APP: variants seen among roughly 807,000 people sequenced by gnomAD.
The protein encoded by APP is amyloid-beta precursor protein.
A neutral mutation model predicts 101.4 loss-of-function variants in APP; 31 were observed. That is an observed-to-expected ratio of 0.31 (90% CI 0.23 to 0.41). APP has a LOEUF of 0.41. Ranked by LOEUF, APP falls within the 10% of genes least tolerant of loss-of-function variation. APP has a pLI of 1.00. For synonymous variants in APP, 366 were observed against 364.4 expected, an observed-to-expected ratio of 1.00 and a Z score of -0.05; for missense variants, 839 against 1,003.7, an observed-to-expected ratio of 0.84 and a Z score of 2.22.
At chr21:25,884,497 C>A (rs1449139881) in intron 17 of APP, among the ~76,000 whole-genome samples, 1 of 152,218 alleles carries the variant, frequency 6.6e-6, no homozygotes. Context: ...CTGGCTTTAA[C>A]TGGTAACTGT....
intron 8 of APP, among the ~76,000 whole-genome samples, chr21:25,986,130 C>T (rs1241902903): frequency 1.3e-5 from 2 of 152,116 alleles, no homozygotes; most frequent in Admixed American, 6.5e-5. Context: ...GCCAGAGACA[C>T]GTGTGCCCTA....
chr21:26,020,548 A>C (rs1053073634), intron 6 of APP, among the ~76,000 whole-genome samples: 14 of 152,216 alleles, frequency 9.2e-5, no homozygotes, highest in Non-Finnish European at 1.3e-4. Context: ...TAGAACAATA[A>C]ATCTGAAATC....
chr21:25,949,521 T>A (rs1343427475), intron 13 of APP, among the ~76,000 whole-genome samples: 7 of 152,138 alleles, frequency 4.6e-5, no homozygotes, highest in African/African-American at 1.7e-4. Context: ...TTTGGTCAGG[T>A]CTTTAGGGTT....
intron 13 of APP, chr21:25,942,172 G>A (rs2040601895): frequency 6.6e-6 from 1 of 152,076 alleles, no homozygotes; most frequent in African/African-American, 2.4e-5. Context: ...TTATTACTGA[G>A]GTACAAATGC....
chr21:26,067,070 C>A (rs963938805), intron 3 of APP, among the ~76,000 whole-genome samples: 12 of 152,142 alleles, frequency 7.9e-5, no homozygotes, highest in Admixed American at 7.9e-4. Flanking sequence ...CAGCTTGGAG[C>A]AGCTTTGTCT....
intron 1 of APP, 33 bp from the exon 2 acceptor site, chr21:26,112,179 C>A (rs2062341972): frequency 6.2e-7 from 1 of 1,609,292 alleles, no homozygotes; most frequent in African/African-American, 1.3e-5. Context: ...GTTATAGTAT[C>A]CATAGCTCCA....
intron 2 of APP, among the ~76,000 whole-genome samples, chr21:26,103,780 G>A (rs555650967): frequency 6.6e-6 from 1 of 152,078 alleles, no homozygotes. Flanking sequence ...ACCTAACGAC[G>A]ACTAGCGTGC....
intron 5 of APP, among the ~76,000 whole-genome samples, chr21:26,026,850 G>A (rs1252458450): frequency 1.3e-5 from 2 of 152,098 alleles, no homozygotes; most frequent in Non-Finnish European, 2.9e-5. Context: ...ATGGACTTTG[G>A]GTGATAATAA....
intron 11 of APP, among the ~76,000 whole-genome samples, chr21:25,969,874 G>GAAAAGAGAAA (rs1479695265): frequency 6.1e-5 from 1 of 16,504 alleles, no homozygotes; most frequent in African/African-American, 2.0e-4. Flanking sequence ...GAAAAGAAAA[G>GAAAAGAGAAA]AGAAAAGAAA....
intron 1 of APP, among the ~76,000 whole-genome samples, chr21:26,116,588 T>G (rs1015962732): frequency 1.3e-5 from 2 of 152,182 alleles, no homozygotes; most frequent in African/African-American, 4.8e-5. Flanking sequence ...AAATTCCTTA[T>G]AGAGCAGGCT....
chr21:26,014,117 T>C (rs970154206), intron 6 of APP, among the ~76,000 whole-genome samples: 1 of 152,208 alleles, frequency 6.6e-6, no homozygotes, highest in African/African-American at 2.4e-5. Context: ...TTTTGCCCTG[T>C]TCCCAAATAC....
At position 25,911,847 on chromosome 21, in the gene APP, T is replaced by G; in HGVS notation, c.1803A>C (p.Lys601Asn). Reference protein sequence around the residue: ...DALMPSLTETKTTVELLPVNG... With the variant: ...DALMPSLTETNTTVELLPVNG... ...TCACGGGAAGGAGCTCCACGGTGGT[T>G]TTCGTTTCGGTCAAAGATGGCATGA... The change falls in exon 14 of 18, where the codon AAA (lysine) becomes AAC (asparagine). Residue 601 changes from lysine to asparagine, a missense_variant. Lys to Asn is a moderately conservative substitution (Grantham distance 94, BLOSUM62 0). Coordinates refer to ENST00000346798, the MANE Select transcript of APP (RefSeq NM_000484.4). 6.2e-7 allele frequency: 1 copy of G among 1,614,166 alleles called. No homozygotes were observed. The highest frequency in any genetic ancestry group is 8.5e-7 in the Non-Finnish European group (1 of 1,180,028).
chr21:25,947,780 AC>A (rs1182205586), intron 13 of APP, among the ~76,000 whole-genome samples: 1 of 152,076 alleles, frequency 6.6e-6, no homozygotes, highest in African/African-American at 2.4e-5. Flanking sequence ...AGATGGGCAG[AC>A]CACCTGAGAT....
intron 6 of APP, among the ~76,000 whole-genome samples, chr21:26,017,203 A>AAAAAAAAAAAAAAAAAAAAT (rs2044129177): frequency 6.7e-6 from 1 of 149,154 alleles, no homozygotes; most frequent in Non-Finnish European, 1.5e-5. Context: ...TATCTCAAAA[A>AAAAAAAAAAAAAAAAAAAAT]AAAAAAAAAA....
chr21:26,026,448 CA>C (rs2044578369), intron 5 of APP, among the ~76,000 whole-genome samples: 1 of 152,180 alleles, frequency 6.6e-6, no homozygotes, highest in African/African-American at 2.4e-5. Flanking sequence ...GGAGAAATGA[CA>C]TCACAAAGGT....
At chr21:25,989,149 C>T (rs2042759442) in intron 8 of APP, among the ~76,000 whole-genome samples, 1 of 152,130 alleles carries the variant, frequency 6.6e-6, no homozygotes, top group African/African-American at 2.4e-5. Context: ...AAACTGTTAG[C>T]ATTTGAAGGG....
At chr21:26,035,113 T>C (rs1202055407) in intron 5 of APP, among the ~76,000 whole-genome samples, 2 of 151,612 alleles carry the variant, frequency 1.3e-5, no homozygotes, top group Non-Finnish European at 2.9e-5. Flanking sequence ...AAGTGAGATC[T>C]TGTCTCCACT....
intron 2 of APP, among the ~76,000 whole-genome samples, chr21:26,097,515 AG>A (rs10718479): frequency 1 from 152,292 of 152,292 alleles, 76,146 homozygotes; most frequent in Non-Finnish European, 1. Flanking sequence ...TGGGCTTTTG[AG>A]GGAAAGTAAG....
At chr21:25,930,116 G>A (rs111723853) in intron 13 of APP, among the ~76,000 whole-genome samples, 1 of 152,144 alleles carries the variant, frequency 6.6e-6, no homozygotes, top group Non-Finnish European at 1.5e-5. Flanking sequence ...AGAATGGGCC[G>A]TAGCAAGACT....
Sources: gnomAD v4.1 joint callset for allele counts (sites outside exome capture counted in the v4.1 genomes callset) on GRCh38, gnomAD v4.1.1 for gene constraint, MANE v1.5 for transcripts, NCBI Gene and HGNC (gene_info 2026-07-23, HGNC 2026-07-21) for gene names.